The following HUS1 variants were observed in gnomAD, a reference collection of about 807,000 sequenced individuals.
The protein encoded by HUS1 is checkpoint protein HUS1.
In HUS1, 31 loss-of-function variants were observed where a neutral mutation model predicts 32.6. The observed-to-expected ratio is 0.95, with a 90% CI of 0.72 to 1.28. HUS1 has a LOEUF of 1.28. Ranked by LOEUF, HUS1 falls within the 50% of genes most tolerant of loss-of-function variation. The pLI is 0.00. For synonymous variants in HUS1, 123 were observed against 116.6 expected (o/e 1.06, Z -0.36); for missense variants, 340 against 337.7 (o/e 1.01, Z -0.05).
intron 5 of HUS1, among the ~76,000 whole-genome samples, chr7:47,970,819 T>C (rs965743522): frequency 1.3e-5 from 2 of 152,224 alleles, no homozygotes; most frequent in African/African-American, 2.4e-5. Context: ...TTCTTTTTGA[T>C]AGCAATAATA....
Position 47,969,333 on chromosome 7 carries a change from T to C in HUS1, c.541-15A>G, listed in dbSNP as rs1251621277. Reference sequence around the variant, plus strand: ...GCTTCAATAACCTGCAAATTGAGTATTTTACATAGTCTTAGAAAAGGAAGC... The same window carrying C: ...GCTTCAATAACCTGCAAATTGAGTACTTTACATAGTCTTAGAAAAGGAAGC... On this transcript the variant is annotated splice_polypyrimidine_tract_variant and intron_variant, in intron 5 of 7. Coordinates refer to ENST00000258774, the MANE Select transcript of HUS1 (RefSeq NM_004507.4). 7.1e-7 allele frequency: 1 copy of C among 1,405,170 alleles called. No individual in the cohort carries two copies. The highest frequency in any genetic ancestry group is 1.4e-5 in the African/African-American group (1 of 70,258). 87.0% of individuals were successfully genotyped at this position (1,405,170 alleles called of 1,614,324 possible).
intron 6 of HUS1, among the ~76,000 whole-genome samples, chr7:47,968,230 A>T (rs979976720): frequency 6.6e-6 from 1 of 152,144 alleles, no homozygotes; most frequent in African/African-American, 2.4e-5. Flanking sequence ...GTGAAAATAT[A>T]TACATTAACT....
intron 6 of HUS1, 79 bp downstream of exon 6, chr7:47,969,140 C>A: frequency 1.4e-6 from 1 of 693,062 alleles, no homozygotes; most frequent in Non-Finnish European, 2.5e-6. Flanking sequence ...AACCTTTTTA[C>A]ATGAAGAGAC....
At chr7:47,965,525 G>T in intron 7 of HUS1, 87 bp from the exon 8 acceptor site, 1 of 869,476 alleles carries the variant, frequency 1.2e-6, no homozygotes, top group Non-Finnish European at 1.9e-6. Context: ...TTCCCAGCCT[G>T]CACCTCCTGT....
intron 5 of HUS1, among the ~76,000 whole-genome samples, chr7:47,970,568 G>A (rs976833129): frequency 5.3e-5 from 8 of 152,146 alleles, no homozygotes; most frequent in Non-Finnish European, 1.0e-4. Flanking sequence ...AGCCCTCTGA[G>A]TCCCAGAAGA....
Position 47,967,864 on chromosome 7 carries a change from A to G in HUS1, c.702T>C (p.Ile234=). ...VEHMAEVHID[I]RKLLQFLAGQ... ...CAGCAAGAAACTGTAGGAGCTTCCT[A>G]ATATCTATGTGCACTTCAGCCATGT... The change falls in exon 7 of 8, where the codon ATT becomes ATC. Residue 234 remains isoleucine (I), a synonymous_variant. Coordinates refer to ENST00000258774, the MANE Select transcript of HUS1 (RefSeq NM_004507.4). 1 of 1,614,056 alleles carries G rather than the reference A, an allele frequency of 6.2e-7. No homozygotes were observed. The highest frequency in any genetic ancestry group is 8.5e-7 in the Non-Finnish European group (1 of 1,179,948).
chr7:47,976,754 T>C lies in HUS1; in HGVS notation c.441A>G (p.Gln147=). Residue 147 remains glutamine (Q), a synonymous_variant, in exon 4 of 8, where the codon CAA becomes CAG. Coordinates refer to ENST00000258774, the MANE Select transcript of HUS1 (RefSeq NM_004507.4). The part of the protein sequence containing the change: ...VIPRKLWKDL[Q]EPVVPDPDVS... ...CATCAGGATCTGGGACCACCGGTTC[T>C]TGTAAGTCCTTCCACAATTTCCTAG... The C allele has an allele frequency of 4.3e-6, 7 of 1,612,326 alleles. No homozygotes were observed. Among genetic ancestry groups the C allele is most frequent in the Non-Finnish European group, 5.9e-6 (7 of 1,178,350 alleles).
At position 47,976,833 on chromosome 7, in the gene HUS1, G is replaced by GAT; in HGVS notation, c.360_361dup (p.Ser121TyrfsTer10). 6.3e-7 allele frequency: 1 copy of GAT among 1,592,348 alleles called. No homozygotes were observed. Among genetic ancestry groups the GAT allele is most frequent in the Non-Finnish European group, 8.6e-7 (1 of 1,160,944 alleles). On this transcript the variant is annotated frameshift_variant, in exon 4 of 8. Transcript: ENST00000258774. LOFTEE classifies it high-confidence loss of function. ...CACAATGCGGCTACTGCTTGACATA[G>GAT]ATAACTGCCAAGAAAAGAATTTAAA... is the stretch of plus-strand genomic sequence containing the variant.
chr7:47,974,753 C>T (rs1289422043), intron 5 of HUS1, among the ~76,000 whole-genome samples: 1 of 152,140 alleles, frequency 6.6e-6, no homozygotes, highest in African/African-American at 2.4e-5. Context: ...GGATAACCTA[C>T]ACATTTCCCA....
intron 5 of HUS1, among the ~76,000 whole-genome samples, chr7:47,969,618 A>T (rs2128765053): frequency 6.6e-6 from 1 of 152,324 alleles, no homozygotes; most frequent in East Asian, 1.9e-4. Flanking sequence ...AGGAGACTAC[A>T]GCAGCACAAG....
chr7:47,975,524 C>A, intron 5 of HUS1, 89 bp downstream of exon 5: 1 of 827,628 alleles, frequency 1.2e-6, no homozygotes, highest in Admixed American at 1.9e-5. Flanking sequence ...GAGGTGCCCA[C>A]CTGCATGGAC....
At chr7:47,965,499 C>T in intron 7 of HUS1, 61 bp from the exon 8 acceptor site, 1 of 1,245,608 alleles carries the variant, frequency 8.0e-7, no homozygotes, top group South Asian at 1.2e-5. Context: ...TTGATCTCTA[C>T]TTTTTCAGAA....
chr7:47,976,485 G>A (rs921066604), intron 4 of HUS1: 1 of 562,194 alleles, frequency 1.8e-6, no homozygotes, highest in Admixed American at 2.2e-5. Flanking sequence ...TCCTCCAAAA[G>A]TATCATTTGT....
In HUS1 at chr7:47,965,169, G is replaced by C; in HGVS notation, c.*187C>G. 1 of 486,424 alleles carries C rather than the reference G, an allele frequency of 2.1e-6. No homozygotes were observed. Among genetic ancestry groups the C allele is most frequent in the East Asian group, 3.1e-5 (1 of 32,608 alleles). 30.1% of individuals were successfully genotyped at this position (486,424 alleles called of 1,614,324 possible). ...AAAGCAAAACAGACATGAGCAACAT[G>C]AAGTGATATGTTTATCCAACTGTGT... On this transcript the variant is annotated 3_prime_UTR_variant, in exon 8 of 8. Coordinates refer to ENST00000258774, the MANE Select transcript of HUS1 (RefSeq NM_004507.4).
chr7:47,967,818 T>C lies in HUS1; in HGVS notation c.748A>G (p.Lys250Glu), dbSNP rs372086665. 2.5e-6 allele frequency: 4 copies of C among 1,613,720 alleles called. No individual in the cohort carries two copies. Among genetic ancestry groups the C allele is most frequent in the Non-Finnish European group, 2.5e-6 (3 of 1,179,820 alleles). ...GAAGCACACTCACTGCATAAGGCCT[T>C]TGTGGGATTTACTTGTTGTCCAGCA... ...FLAGQQVNPT[K>E]ALCNIVNNKM... Residue 250 changes from lysine (K) to glutamate (E), a missense_variant, in exon 7 of 8, where the codon AAG (lysine) becomes GAG (glutamate). Coordinates refer to ENST00000258774, the MANE Select transcript of HUS1 (RefSeq NM_004507.4).
chr7:47,969,060 C>A, intron 6 of HUS1, 159 bp downstream of exon 6: 2 of 568,318 alleles, frequency 3.5e-6, no homozygotes, highest in South Asian at 4.3e-5. Flanking sequence ...CACTACACCA[C>A]AGGGATACAT....
chr7:47,964,849 T>A lies in HUS1; in HGVS notation c.*507A>T, dbSNP rs1397817134. ...CTGTGACACCCCACAGTGCTCTGAG[T>A]AACCAAGGCAGTGGCGGCGGGGTGA... On this transcript the variant is annotated 3_prime_UTR_variant, in exon 8 of 8. Coordinates refer to ENST00000258774, the MANE Select transcript of HUS1 (RefSeq NM_004507.4). 6.4e-6 allele frequency: 1 copy of A among 155,526 alleles called. No individual in the cohort carries two copies. Among genetic ancestry groups the A allele is most frequent in the Non-Finnish European group, 1.4e-5 (1 of 69,970 alleles). 9.6% of individuals were successfully genotyped at this position (155,526 alleles called of 1,614,324 possible). A position where few individuals can be genotyped will look rare whatever the true frequency, so the allele number is the denominator to read the frequency against.
In HUS1 at chr7:47,963,372, G is replaced by T. The variant is rs1424586999; in HGVS notation, c.*1984C>A. 6.6e-6 allele frequency: 1 copy of T among 152,216 alleles called. No homozygotes were observed. Among genetic ancestry groups the T allele is most frequent in the Admixed American group, 6.5e-5 (1 of 15,290 alleles). The allele number at this position is 152,216 out of a possible 1,614,324, so 9.4% of individuals were successfully genotyped here. Reference sequence around the variant, plus strand: ...TTCATTAAAATCTTCAAAATTATATGTATTTGATAATAAACATCACATAGA... The same window carrying T: ...TTCATTAAAATCTTCAAAATTATATTTATTTGATAATAAACATCACATAGA... On this transcript the variant is annotated 3_prime_UTR_variant, in exon 8 of 8. Transcript: ENST00000258774.
chr7:47,973,338 CAG>C (rs1788636373), intron 5 of HUS1, among the ~76,000 whole-genome samples: 2 of 152,242 alleles, frequency 1.3e-5, no homozygotes, highest in Non-Finnish European at 2.9e-5. Flanking sequence ...TGGTCAGAAA[CAG>C]AGCCTCAGGC....
Sources: gnomAD v4.1 joint callset for allele counts (sites outside exome capture counted in the v4.1 genomes callset) on GRCh38, gnomAD v4.1.1 for gene constraint, MANE v1.5 for transcripts, NCBI Gene and HGNC (gene_info 2026-07-23, HGNC 2026-07-21) for gene names.